Variants in ACOXL observed in about 807,000 individuals in gnomAD.
The protein encoded by ACOXL is acyl-CoA oxidase like.
A neutral mutation model predicts 71.9 loss-of-function variants in ACOXL; 70 were observed. The observed-to-expected ratio is 0.97, with a 90% CI of 0.80 to 1.19. ACOXL has a LOEUF of 1.19. Ranked by LOEUF, ACOXL falls within the 50% of genes most tolerant of loss-of-function variation. The probability of loss-of-function intolerance (pLI) is 0.00; values close to 1 mark genes in which losing one functional copy is unlikely to be tolerated. For missense variants in ACOXL, 703 were observed against 736.3 expected, an observed-to-expected ratio of 0.95 and a Z score of 0.52; for synonymous variants, 253 against 281.6, an observed-to-expected ratio of 0.90 and a Z score of 1.02.
At chr2:111,103,029 G>A (rs1358990346) in intron 17 of ACOXL, among the ~76,000 whole-genome samples, 2 of 152,142 alleles carry the variant, frequency 1.3e-5, no homozygotes, top group Non-Finnish European at 2.9e-5. Flanking sequence ...TGTGGCTCAC[G>A]CCTGTAATCC....
Position 110,921,765 on chromosome 2 carries a change from A to G in ACOXL, c.906-11724A>G, listed in dbSNP as rs1395970834. On this transcript the variant is annotated intron_variant, in intron 11 of 17. Coordinates refer to ENST00000439055, the MANE Select transcript of ACOXL (RefSeq NM_001142807.4). ...CATTGCTTCTTGCCTAATATAATCA[A>G]TTCACACTAAAATTTCCTTTAAGCA... 2.6e-5 allele frequency among the ~76,000 whole-genome samples: 4 copies of G among 152,200 alleles called. No individual in the cohort carries two copies. In the East Asian group the frequency reaches 5.8e-4, roughly 22 times the overall value.
chr2:110,852,306 C>G (rs1371881844), intron 10 of ACOXL, among the ~76,000 whole-genome samples: 2 of 152,178 alleles, frequency 1.3e-5, no homozygotes, highest in Non-Finnish European at 2.9e-5. Context: ...GCTCGTATTT[C>G]TGTTGAGAGG....
At chr2:110,818,423 A>ATGTGTGTG (rs766770172) in intron 9 of ACOXL, among the ~76,000 whole-genome samples, 2 of 137,698 alleles carry the variant, frequency 1.5e-5, no homozygotes, top group African/African-American at 5.6e-5. Context: ...ATATATATAT[A>ATGTGTGTG]TGTGTGTGTG....
chr2:110,942,896 A>G (rs534470258), intron 12 of ACOXL, among the ~76,000 whole-genome samples: 2 of 144,572 alleles, frequency 1.4e-5, no homozygotes, highest in East Asian at 4.5e-4. Context: ...AAAGGAAGGC[A>G]GGAAGGAAGG....
intron 14 of ACOXL, among the ~76,000 whole-genome samples, chr2:111,026,388 C>T (rs1362111648): frequency 3.9e-5 from 6 of 151,910 alleles, no homozygotes; most frequent in Non-Finnish European, 7.4e-5. Flanking sequence ...TTAGCAATAT[C>T]GAGTTCTCTG....
intron 10 of ACOXL, among the ~76,000 whole-genome samples, chr2:110,852,460 T>C (rs1692733560): frequency 6.6e-6 from 1 of 152,198 alleles, no homozygotes; most frequent in African/African-American, 2.4e-5. Flanking sequence ...ACGGCTTAAA[T>C]TGGCAAGACG....
At position 110,784,782 on chromosome 2, in the gene ACOXL, C is replaced by G; in HGVS notation, c.126C>G (p.Val42=). 6.2e-7 allele frequency: 1 copy of G among 1,609,354 alleles called. No homozygotes were observed. The highest frequency in any genetic ancestry group is 8.5e-7 in the Non-Finnish European group (1 of 1,178,380). ...FVSRSLVIGE[V]LSMADMATGV... ...GCCGAAGCCTTGTCATAGGAGAAGTCCTCTCCATGGCGGACATGGCCACAG... is the reference window on the plus strand; with the variant it reads ...GCCGAAGCCTTGTCATAGGAGAAGTGCTCTCCATGGCGGACATGGCCACAG... Residue 42 remains valine, a synonymous_variant, in exon 3 of 18, where the codon GTC becomes GTG. Coordinates refer to ENST00000439055, the MANE Select transcript of ACOXL (RefSeq NM_001142807.4).
chr2:111,016,586 A>G (rs2064446658), intron 14 of ACOXL: 1 of 152,266 alleles, frequency 6.6e-6, no homozygotes, highest in Admixed American at 6.5e-5. Context: ...TGATACACCT[A>G]CTGGGGGAAG....
intron 11 of ACOXL, among the ~76,000 whole-genome samples, chr2:110,921,873 C>T (rs2060092815): frequency 6.6e-6 from 1 of 152,128 alleles, no homozygotes. Flanking sequence ...TTAAGACTTC[C>T]CTTTCCACCC....
At chr2:110,968,242 G>C (rs2062018621) in intron 12 of ACOXL, 4 of 1,082,760 alleles carry the variant, frequency 3.7e-6, no homozygotes, top group Non-Finnish European at 5.6e-6. Flanking sequence ...AAACATTGAT[G>C]GTCAGCCAAG....
At chr2:110,933,011 G>A (rs1005723560) in intron 11 of ACOXL, among the ~76,000 whole-genome samples, 1 of 152,246 alleles carries the variant, frequency 6.6e-6, no homozygotes, top group Non-Finnish European at 1.5e-5. Flanking sequence ...CCTCTGGTTC[G>A]TGTTTGCAGG....
At chr2:111,042,953 T>C (rs186830146) in intron 15 of ACOXL, among the ~76,000 whole-genome samples, 126 of 152,270 alleles carry the variant, frequency 8.3e-4, no homozygotes, top group Admixed American at 7.2e-3. Context: ...GGAGGAGCAG[T>C]GGCCCATTGC....
intron 14 of ACOXL, among the ~76,000 whole-genome samples, chr2:111,002,003 TAGTCTC>T (rs1205908619): frequency 3.9e-5 from 6 of 152,134 alleles, no homozygotes; most frequent in Admixed American, 2.6e-4. Context: ...GAAATTGTCT[TAGTCTC>T]TGTCTCTCTG....
intron 10 of ACOXL, chr2:110,886,982 C>T (rs1156418271): frequency 9.1e-7 from 1 of 1,098,664 alleles, no homozygotes; most frequent in Non-Finnish European, 1.3e-6. Flanking sequence ...AACTTTTTAT[C>T]TGAGAATGTT....
intron 8 of ACOXL, among the ~76,000 whole-genome samples, chr2:110,804,794 G>A (rs1318800993): frequency 6.6e-6 from 1 of 152,014 alleles, no homozygotes; most frequent in Non-Finnish European, 1.5e-5. Flanking sequence ...ACCATAGAGA[G>A]AGAAAGTAGG....
At chr2:110,977,522 C>T (rs2062505961) in intron 12 of ACOXL, among the ~76,000 whole-genome samples, 1 of 152,188 alleles carries the variant, frequency 6.6e-6, no homozygotes, top group Admixed American at 6.5e-5. Flanking sequence ...CACACAAACT[C>T]ACCCCATCCT....
intron 10 of ACOXL, among the ~76,000 whole-genome samples, chr2:110,881,543 A>T (rs114286378): frequency 6.6e-6 from 1 of 152,206 alleles, no homozygotes; most frequent in Non-Finnish European, 1.5e-5. Flanking sequence ...CATTCATGGC[A>T]TGGCACCATC....
In ACOXL at chr2:110,913,953, T is replaced by C. The variant is rs74891245; in HGVS notation, c.905+5048T>C. 5.6e-3 allele frequency among the ~76,000 whole-genome samples: 857 copies of C among 152,022 alleles called. 48 individuals are homozygous for C. In the East Asian group the frequency reaches 0.14, roughly 24 times the overall value. ...CTCCCACCATGTCTCACCTCCAACA[T>C]TGGGAATTACAATATGAGATGTGGA... On this transcript the variant is annotated intron_variant, in intron 11 of 17. Transcript: ENST00000439055.
intron 10 of ACOXL, among the ~76,000 whole-genome samples, chr2:110,859,146 A>G (rs1451311954): frequency 6.6e-6 from 1 of 152,258 alleles, no homozygotes; most frequent in African/African-American, 2.4e-5. Flanking sequence ...TAGTGAGTTT[A>G]AAAACAGAAA....
Sources: allele counts gnomAD v4.1 joint callset (sites outside exome capture counted in the v4.1 genomes callset), GRCh38; gene constraint gnomAD v4.1.1; transcripts MANE v1.5; gene names NCBI Gene and HGNC (gene_info 2026-07-23, HGNC 2026-07-21).